Variants in ARHGAP10 observed in about 807,000 individuals in gnomAD.
ARHGAP10 encodes the protein rho GTPase-activating protein 10.
ARHGAP10 carries 87 observed loss-of-function variants against 108.6 expected under a neutral mutation model. That is an observed-to-expected ratio of 0.80 (90% CI 0.67 to 0.96). The LOEUF is 0.96. Ranked by LOEUF, ARHGAP10 falls within the 40% of genes least tolerant of loss-of-function variation. The probability of loss-of-function intolerance (pLI) is 0.00; values close to 1 mark genes in which losing one functional copy is unlikely to be tolerated. For missense variants in ARHGAP10, 939 were observed against 954.5 expected (o/e 0.98, Z 0.21); for synonymous variants, 347 against 341.1 (o/e 1.02, Z -0.19).
chr4:147,899,535 C>G (rs1345380877), intron 10 of ARHGAP10, among the ~76,000 whole-genome samples: 1 of 152,108 alleles, frequency 6.6e-6, no homozygotes, highest in Admixed American at 6.5e-5. Flanking sequence ...TTTTTACATT[C>G]CAGGTGGAAG....
At chr4:147,753,458 C>T (rs1174946715) in intron 1 of ARHGAP10, among the ~76,000 whole-genome samples, 3 of 151,846 alleles carry the variant, frequency 2.0e-5, no homozygotes, top group African/African-American at 7.3e-5. Context: ...ATTCTCCTGC[C>T]TCAGCCTCCT....
intron 13 of ARHGAP10, among the ~76,000 whole-genome samples, 167 bp downstream of exon 13, chr4:147,913,306 G>A (rs1736831108): frequency 6.6e-6 from 1 of 152,180 alleles, no homozygotes; most frequent in South Asian, 2.1e-4. Context: ...GACAATGAGG[G>A]ATTTTCCTTT....
intron 13 of ARHGAP10, among the ~76,000 whole-genome samples, chr4:147,935,958 A>G (rs1737914157): frequency 6.6e-6 from 1 of 152,226 alleles, no homozygotes; most frequent in South Asian, 2.1e-4. Context: ...ATTATTTGAT[A>G]GTAATTACTG....
rs527687437 is a variant in ARHGAP10, at chr4:147,797,412, C to CTTTGT, written c.155-25296_155-25292dup. Among the ~76,000 whole-genome samples the CTTTGT allele has an allele frequency of 2.4e-4, 37 of 151,996 alleles. 1 individual carries two copies. In the South Asian group the frequency reaches 7.1e-3, roughly 29 times the overall value. On this transcript the variant is annotated intron_variant, in intron 1 of 22. Transcript: ENST00000336498. ...CTCATGGTCCAACGTACCCTCCCCA[C>CTTTGT]TTTGTTTTGTTTTGTTTTGTTTTTG...
intron 4 of ARHGAP10, among the ~76,000 whole-genome samples, chr4:147,853,889 A>G (rs572908961): frequency 6.6e-6 from 1 of 152,134 alleles, no homozygotes; most frequent in South Asian, 2.1e-4. Flanking sequence ...ATTAATTTTG[A>G]TATGAGATGA....
At chr4:147,930,950 T>C (rs139455833) in intron 13 of ARHGAP10, among the ~76,000 whole-genome samples, 440 of 152,352 alleles carry the variant, frequency 2.9e-3, no homozygotes, top group African/African-American at 0.01. Context: ...ACAGGGACAG[T>C]GGATGCCTGC....
At chr4:147,996,576 C>A (rs17476412) in intron 18 of ARHGAP10, among the ~76,000 whole-genome samples, 4,390 of 152,264 alleles carry the variant, frequency 0.029, 112 homozygotes, top group South Asian at 0.1. Flanking sequence ...GGAGTGAACA[C>A]AGCTTGAAGT....
At chr4:147,765,335 T>TGGG (rs1463328322) in intron 1 of ARHGAP10, among the ~76,000 whole-genome samples, 1 of 22,740 alleles carries the variant, frequency 4.4e-5, no homozygotes, top group Non-Finnish European at 1.4e-4. Flanking sequence ...TGTGTGTGTG[T>TGGG]GTGGGGGGGG....
At chr4:147,847,006 A>C (rs1733663305) in intron 3 of ARHGAP10, 145 bp from the exon 4 acceptor site, 1 of 609,248 alleles carries the variant, frequency 1.6e-6, no homozygotes, top group Non-Finnish European at 2.8e-6. Context: ...GAAGTGATTT[A>C]ATTGTTGCAT....
chr4:147,947,196 TAG>T (rs1738419194), intron 15 of ARHGAP10, among the ~76,000 whole-genome samples: 2 of 151,344 alleles, frequency 1.3e-5, no homozygotes, highest in South Asian at 4.2e-4. Context: ...GGACTAGAGT[TAG>T]AGGGTAGCAT....
At chr4:148,068,917 G>A (rs1384577712) in intron 22 of ARHGAP10, among the ~76,000 whole-genome samples, 1 of 152,204 alleles carries the variant, frequency 6.6e-6, no homozygotes, top group Non-Finnish European at 1.5e-5. Context: ...CTTGTTCCCT[G>A]TTGTGGTCTA....
intron 20 of ARHGAP10, among the ~76,000 whole-genome samples, chr4:148,057,048 A>G (rs1050731576): frequency 6.6e-6 from 1 of 152,158 alleles, no homozygotes; most frequent in Non-Finnish European, 1.5e-5. Context: ...TGTGGATGAC[A>G]CTAAGTGCAG....
chr4:147,993,379 A>G (rs1418925556), intron 18 of ARHGAP10, among the ~76,000 whole-genome samples: 1 of 152,220 alleles, frequency 6.6e-6, no homozygotes, highest in Admixed American at 6.5e-5. Context: ...TCATTATATT[A>G]TTCTTTTTCC....
intron 1 of ARHGAP10, among the ~76,000 whole-genome samples, chr4:147,788,417 A>G (rs1212256238): frequency 6.6e-6 from 1 of 152,188 alleles, no homozygotes; most frequent in Non-Finnish European, 1.5e-5. Flanking sequence ...ATTGCACTTC[A>G]GCCTGGGTGA....
chr4:147,768,865 A>G (rs1729948923), intron 1 of ARHGAP10, among the ~76,000 whole-genome samples: 1 of 151,774 alleles, frequency 6.6e-6, no homozygotes, highest in African/African-American at 2.4e-5. Flanking sequence ...CAGACTCCCA[A>G]GTAGCTGGGA....
chr4:148,058,994 G>A (rs1729485118), intron 20 of ARHGAP10, among the ~76,000 whole-genome samples: 1 of 152,220 alleles, frequency 6.6e-6, no homozygotes, highest in South Asian at 2.1e-4. Context: ...CGTGGCGTCA[G>A]GAACAGTCAG....
At chr4:148,017,652 CTATATATATATA>C (rs35472561) in intron 18 of ARHGAP10, among the ~76,000 whole-genome samples, 2 of 105,334 alleles carry the variant, frequency 1.9e-5, no homozygotes, top group African/African-American at 4.2e-5. Context: ...GAGCCAGTAA[CTATATATATATA>C]TATATATATA....
chr4:148,049,599 G>A (rs1432917024), intron 20 of ARHGAP10, among the ~76,000 whole-genome samples: 1 of 151,952 alleles, frequency 6.6e-6, no homozygotes, highest in Non-Finnish European at 1.5e-5. Context: ...TCCCCATGCT[G>A]TAATCTACAG....
intron 7 of ARHGAP10, among the ~76,000 whole-genome samples, chr4:147,870,795 T>G (rs916896827): frequency 6.6e-6 from 1 of 152,178 alleles, no homozygotes; most frequent in African/African-American, 2.4e-5. Context: ...TGGAAGGAAA[T>G]ACAGTGTGCA....
Sources: allele counts gnomAD v4.1 joint callset (sites outside exome capture counted in the v4.1 genomes callset), GRCh38; gene constraint gnomAD v4.1.1; transcripts MANE v1.5; gene names NCBI Gene and HGNC (gene_info 2026-07-23, HGNC 2026-07-21).